Variants in TMEM238 observed in about 807,000 individuals in gnomAD.
The protein encoded by TMEM238 is transmembrane protein 238.
For synonymous variants in TMEM238, 103 were observed against 111.5 expected (o/e 0.92, Z 0.48); for missense variants, 169 against 206.8 (o/e 0.82, Z 1.12).
chr19:55,380,148 A>G, intron 1 of TMEM238, among the ~76,000 whole-genome samples: 1 of 151,264 alleles, frequency 6.6e-6, no homozygotes, highest in Admixed American at 6.6e-5. Flanking sequence ...GAACAGGCCC[A>G]TTTTCCTCTA....
In TMEM238 at chr19:55,383,649, T is replaced by C. The variant is rs1600296074; in HGVS notation, c.*7+73A>G. On this transcript the variant is annotated intron_variant, in intron 1 of 1. Transcript: ENST00000444469. The surrounding 1 kb of genome is among the most constrained non-coding windows in gnomAD (Gnocchi z 4.9). Reference sequence around the variant, plus strand: ...CTCTCTGTCTCCATCTGTCCATCGCTCCCCCGTCTGTCTCCATTCCCGTCC... The same window carrying C: ...CTCTCTGTCTCCATCTGTCCATCGCCCCCCCGTCTGTCTCCATTCCCGTCC... 1 of 191,196 alleles carries C rather than the reference T, an allele frequency of 5.2e-6. No individual in the cohort carries two copies. Among genetic ancestry groups the C allele is most frequent in the Non-Finnish European group, 1.1e-5 (1 of 92,314 alleles). The allele number at this position is 191,196 out of a possible 1,614,324, so 11.8% of individuals were successfully genotyped here.
At position 55,384,054 on chromosome 19, in the gene TMEM238, TC is replaced by T; in HGVS notation, c.205del (p.Asp69ThrfsTer13). 1 of 1,481,742 alleles carries T rather than the reference TC, an allele frequency of 6.7e-7. No homozygotes were observed. Among genetic ancestry groups the T allele is most frequent in the Non-Finnish European group, 9.0e-7 (1 of 1,114,136 alleles). 91.8% of individuals were successfully genotyped at this position (1,481,742 alleles called of 1,614,324 possible). A position where few individuals can be genotyped will look rare whatever the true frequency, so the allele number is the denominator to read the frequency against. ...QLQVRGRDFG[D>X]LLIYSGALLV... ...CAGCGCGCCCGAGTAGATGAGCAGG[TC>T]CCCGAAGTCGCGGCCGCGCACCTGC... On this transcript the variant is annotated frameshift_variant, in exon 1 of 2. Transcript: ENST00000444469. LOFTEE classifies it low-confidence loss of function (END_TRUNC). This position sits in a 1 kb window ranked among gnomAD's most constrained non-coding sequence, Gnocchi z 5.6.
intron 1 of TMEM238, among the ~76,000 whole-genome samples, chr19:55,381,395 A>G (rs1309442209): frequency 1.4e-5 from 2 of 142,590 alleles, no homozygotes; most frequent in African/African-American, 5.5e-5. Context: ...TCCAGCCTGG[A>G]CAACAAGAGT....
At chr19:55,381,511 T>C (rs1358960929) in intron 1 of TMEM238, among the ~76,000 whole-genome samples, 2 of 152,130 alleles carry the variant, frequency 1.3e-5, no homozygotes, top group African/African-American at 2.4e-5. Context: ...AAACCCTATT[T>C]GAGAGATGAA....
intron 1 of TMEM238, among the ~76,000 whole-genome samples, chr19:55,382,694 A>C (rs2089891218): frequency 6.6e-6 from 1 of 152,184 alleles, no homozygotes; most frequent in African/African-American, 2.4e-5. Context: ...GCTTCAGTTT[A>C]ACCAAAGGTG....
chr19:55,380,286 TCCCCCCTTCCCCCCTCCCCTC>T (rs2089880290), intron 1 of TMEM238, among the ~76,000 whole-genome samples: 1 of 15,448 alleles, frequency 6.5e-5, no homozygotes, highest in Non-Finnish European at 1.3e-4. Flanking sequence ...TCCCCTCCCC[TCCCCCCTTCCCCCCTCCCCTC>T]CCCCCTTGCC....
At chr19:55,382,048 C>T (rs1263677638) in intron 1 of TMEM238, among the ~76,000 whole-genome samples, 3 of 151,406 alleles carry the variant, frequency 2.0e-5, no homozygotes, top group Non-Finnish European at 2.9e-5. Flanking sequence ...TCCATTCACC[C>T]GTCCATCCAC....
intron 1 of TMEM238, among the ~76,000 whole-genome samples, chr19:55,381,767 C>T (rs2089887919): frequency 2.6e-5 from 4 of 152,162 alleles, no homozygotes. Flanking sequence ...GTGACACAGG[C>T]ACCCTCATTT....
In TMEM238 at chr19:55,383,624, C is replaced by T. The variant is rs1452382390; in HGVS notation, c.*7+98G>A. 1.9e-5 allele frequency: 3 copies of T among 156,736 alleles called. No homozygotes were observed. The Admixed American group carries it at 2.0e-4, about 10-fold the overall frequency. The allele number at this position is 156,736 out of a possible 1,614,324, so 9.7% of individuals were successfully genotyped here. On this transcript the variant is annotated intron_variant, in intron 1 of 1. Coordinates refer to ENST00000444469, the MANE Select transcript of TMEM238 (RefSeq NM_001190764.2). This position sits in a 1 kb window ranked among gnomAD's most constrained non-coding sequence, Gnocchi z 4.9. ...CTGGGACTCTACCTCCCCATGGCCGCTCTCTGTCTCCATCTGTCCATCGCT... is the reference window on the plus strand; with the variant it reads ...CTGGGACTCTACCTCCCCATGGCCGTTCTCTGTCTCCATCTGTCCATCGCT...
chr19:55,384,112 C>T lies in TMEM238; in HGVS notation c.148G>A (p.Ala50Thr), dbSNP rs1291219883. The change falls in exon 1 of 2, where the codon GCG becomes ACG. Residue 50 changes from alanine to threonine, a missense_variant. Transcript: ENST00000444469. This position sits in a 1 kb window ranked among gnomAD's most constrained non-coding sequence, Gnocchi z 5.6. ...LAVALDVAGM[A>T]ALLTGVFAQL... ...GCGAACACGCCGGTCAGCAGCGCCG[C>T]CATGCCCGCCACATCCAGCGCCACG... The T allele has an allele frequency of 1.0e-5, 15 of 1,451,804 alleles. No homozygotes were observed. The highest frequency in any genetic ancestry group is 1.3e-5 in the Non-Finnish European group (14 of 1,096,624). The allele number at this position is 1,451,804 out of a possible 1,614,324, so 89.9% of individuals were successfully genotyped here.
At chr19:55,380,129 C>G (rs1419762258) in intron 1 of TMEM238, among the ~76,000 whole-genome samples, 1 of 151,882 alleles carries the variant, frequency 6.6e-6, no homozygotes, top group African/African-American at 2.4e-5. Flanking sequence ...AAACAAGAGT[C>G]CTGGGTTTGA....
chr19:55,380,950 A>G (rs1470362294), intron 1 of TMEM238, among the ~76,000 whole-genome samples: 1 of 152,178 alleles, frequency 6.6e-6, no homozygotes, highest in East Asian at 1.9e-4. Context: ...TTATGTTTGC[A>G]TTCTATGCCA....
intron 1 of TMEM238, among the ~76,000 whole-genome samples, chr19:55,380,202 G>A (rs968479368): frequency 6.6e-6 from 1 of 150,938 alleles, no homozygotes; most frequent in Non-Finnish European, 1.5e-5. Context: ...GTCTTTGGTG[G>A]AGGCTCCAAG....
At position 55,383,267 on chromosome 19, in the gene TMEM238, T is replaced by C. The variant is rs1400327168; in HGVS notation, c.*7+455A>G. 1.3e-5 allele frequency among the ~76,000 whole-genome samples: 2 copies of C among 152,124 alleles called. No individual in the cohort carries two copies. Among genetic ancestry groups the C allele is most frequent in the Non-Finnish European group, 2.9e-5 (2 of 68,022 alleles). On this transcript the variant is annotated intron_variant, in intron 1 of 1. Transcript: ENST00000444469. This position sits in a 1 kb window ranked among gnomAD's most constrained non-coding sequence, Gnocchi z 4.9. Reference sequence around the variant, plus strand: ...GGGGCGCACATGTATTCTCAGCTACTTGGGAGGCTCAGGTGGGAGGACTGC... The same window carrying C: ...GGGGCGCACATGTATTCTCAGCTACCTGGGAGGCTCAGGTGGGAGGACTGC...
At chr19:55,380,717 G>A (rs1445940591) in intron 1 of TMEM238, among the ~76,000 whole-genome samples, 2 of 151,316 alleles carry the variant, frequency 1.3e-5, no homozygotes, top group Non-Finnish European at 2.9e-5. Context: ...GAGCCACCAT[G>A]CCCAACCTCA....
rs542942220 is a variant in TMEM238 at position 55,382,369 on chromosome 19, C to T, written c.*7+1353G>A. 2.6e-5 allele frequency among the ~76,000 whole-genome samples: 4 copies of T among 152,332 alleles called. No homozygotes were observed. The East Asian group carries it at 7.7e-4, about 29-fold the overall frequency. The stretch of plus-strand genomic sequence containing the variant: ...ATGCTAGGAACAAGGACGCTAGGGA[C>T]CTAGGTCTTACCCTCAAGGCACTCC... On this transcript the variant is annotated intron_variant, in intron 1 of 1. Coordinates refer to ENST00000444469, the MANE Select transcript of TMEM238 (RefSeq NM_001190764.2).
At chr19:55,382,783 G>A (rs1010000893) in intron 1 of TMEM238, among the ~76,000 whole-genome samples, 1 of 152,188 alleles carries the variant, frequency 6.6e-6, no homozygotes, top group Non-Finnish European at 1.5e-5. Context: ...AGAAGGTAGA[G>A]GGGAAAGGGG....
chr19:55,380,570 G>A (rs76684947), intron 1 of TMEM238, among the ~76,000 whole-genome samples: 15,600 of 148,142 alleles, frequency 0.11, 1,305 homozygotes, highest in African/African-American at 0.24. Flanking sequence ...GATTACAGGC[G>A]TCCGCCACCA....
chr19:55,381,279 G>A (rs1378389224), intron 1 of TMEM238, among the ~76,000 whole-genome samples: 1 of 151,786 alleles, frequency 6.6e-6, no homozygotes, highest in Non-Finnish European at 1.5e-5. Flanking sequence ...TTAGCCAGGT[G>A]TGGGGGTGCA....
Sources: gnomAD v4.1 joint callset for allele counts (sites outside exome capture counted in the v4.1 genomes callset) on GRCh38, gnomAD v4.1.1 for gene constraint, Gnocchi (gnomAD v3.1) non-coding constraint, MANE v1.5 for transcripts, NCBI Gene and HGNC (gene_info 2026-07-23, HGNC 2026-07-21) for gene names.